Variants in C1QTNF3 observed in about 807,000 individuals in gnomAD.
C1QTNF3 encodes the protein complement C1q tumor necrosis factor-related protein 3.
C1QTNF3 carries 26 observed loss-of-function variants against 32.6 expected under a neutral mutation model. That is an observed-to-expected ratio of 0.80 (90% CI 0.58 to 1.11). The LOEUF (loss-of-function observed/expected upper bound fraction) is 1.11, where lower values mean the gene tolerates loss of function less well. Among genes scored for constraint, C1QTNF3 ranks in the 50% least tolerant of loss-of-function variants. The probability of loss-of-function intolerance (pLI) is 0.00; values close to 1 mark genes in which losing one functional copy is unlikely to be tolerated. For missense variants in C1QTNF3, 362 were observed against 398.2 expected (o/e 0.91, Z 0.77); for synonymous variants, 155 against 146.0 (o/e 1.06, Z -0.44).
At chr5:34,070,181 T>TG in the C1QTNF3 span, among the ~76,000 whole-genome samples, 1 of 152,156 alleles carries the variant, frequency 6.6e-6, no homozygotes, top group Non-Finnish European at 1.5e-5. Context: ...ACCTCTCACT[T>TG]GCACTCATTT....
At chr5:34,074,447 T>C in the C1QTNF3 span, among the ~76,000 whole-genome samples, 1 of 151,654 alleles carries the variant, frequency 6.6e-6, no homozygotes, top group South Asian at 2.1e-4. Flanking sequence ...TCGGCTAATA[T>C]AAGTGTCTGC....
the C1QTNF3 span, among the ~76,000 whole-genome samples, chr5:34,054,017 A>G: frequency 3.3e-5 from 5 of 152,198 alleles, no homozygotes; most frequent in East Asian, 7.7e-4. Context: ...GCAGAGAAAC[A>G]GGCCGAGTAT....
the C1QTNF3 span, among the ~76,000 whole-genome samples, chr5:34,161,428 TA>T: frequency 2.6e-5 from 4 of 151,860 alleles, no homozygotes; most frequent in Admixed American, 6.6e-5. Flanking sequence ...TTTCAATTGT[TA>T]AAAAAAATTG....
the C1QTNF3 span, among the ~76,000 whole-genome samples, chr5:34,080,365 G>A: frequency 2.0e-5 from 3 of 151,756 alleles, no homozygotes; most frequent in Non-Finnish European, 4.4e-5. Context: ...CAAGATCGAA[G>A]AGCTACTAAG....
At chr5:34,056,440 GTGTGTGTGTGTGTGTATA>G in the C1QTNF3 span, among the ~76,000 whole-genome samples, 4 of 44,592 alleles carry the variant, frequency 9.0e-5, no homozygotes, top group African/African-American at 1.8e-4. Flanking sequence ...GTGTGTGTGT[GTGTGTGTGTGTGTGTATA>G]TATATATATA....
At chr5:34,124,662 C>T in the C1QTNF3 span, 5 of 452,696 alleles carry the variant, frequency 1.1e-5, no homozygotes, top group East Asian at 3.5e-5. Context: ...TTGGGGATTA[C>T]AGTTCAACAT....
intron 5 of C1QTNF3, among the ~76,000 whole-genome samples, chr5:34,020,976 C>T (rs1239099584): frequency 2.0e-5 from 3 of 152,174 alleles, no homozygotes; most frequent in Admixed American, 2.0e-4. Context: ...ATGACAATGA[C>T]CAGAATGATC....
the C1QTNF3 span, among the ~76,000 whole-genome samples, chr5:34,055,043 G>A: frequency 4.6e-5 from 7 of 152,140 alleles, no homozygotes; most frequent in South Asian, 2.1e-4. Context: ...ACCAGGCTTC[G>A]AAAAATGCAG....
chr5:34,079,394 CAT>C, the C1QTNF3 span, among the ~76,000 whole-genome samples: 1 of 151,528 alleles, frequency 6.6e-6, no homozygotes, highest in Non-Finnish European at 1.5e-5. Context: ...TTGAGAAATT[CAT>C]ATTTTTTTCA....
At chr5:34,244,361 A>C in the C1QTNF3 span, among the ~76,000 whole-genome samples, 2 of 152,178 alleles carry the variant, frequency 1.3e-5, no homozygotes, top group African/African-American at 4.8e-5. Flanking sequence ...AAGATTGCAA[A>C]GAGCAAAAGA....
At chr5:34,084,799 TGTTTTTTTTG>T in the C1QTNF3 span, among the ~76,000 whole-genome samples, 21 of 112,462 alleles carry the variant, frequency 1.9e-4, 2 homozygotes, top group African/African-American at 9.1e-4. Context: ...GTTTTTTTTT[TGTTTTTTTTG>T]TTTTTTTTCT....
chr5:34,239,319 A>G, the C1QTNF3 span: 4 of 152,178 alleles, frequency 2.6e-5, no homozygotes, highest in Non-Finnish European at 1.5e-5. Context: ...TAAATAGGCT[A>G]AACACCCCAC....
chr5:34,113,663 T>C, the C1QTNF3 span, among the ~76,000 whole-genome samples: 5 of 152,072 alleles, frequency 3.3e-5, no homozygotes, highest in Non-Finnish European at 5.9e-5. Flanking sequence ...ACATCTTTAC[T>C]CTCTCTCTAT....
chr5:34,232,355 T>G, the C1QTNF3 span, among the ~76,000 whole-genome samples: 2 of 151,288 alleles, frequency 1.3e-5, no homozygotes, highest in Non-Finnish European at 3.0e-5. Flanking sequence ...TTCAGTCTGT[T>G]GGGAAGGCAT....
the C1QTNF3 span, among the ~76,000 whole-genome samples, chr5:34,153,998 A>G: frequency 6.6e-6 from 1 of 150,782 alleles, no homozygotes; most frequent in African/African-American, 2.4e-5. Context: ...TTAATCACAT[A>G]ATTTTTGAAT....
intron 3 of C1QTNF3, among the ~76,000 whole-genome samples, chr5:34,030,379 G>C (rs1270232714): frequency 2.0e-5 from 3 of 152,196 alleles, no homozygotes; most frequent in Non-Finnish European, 4.4e-5. Context: ...GAATAAGGCT[G>C]TCTATTTGGG....
chr5:34,041,817 A>T (rs1473101844), intron 1 of C1QTNF3, among the ~76,000 whole-genome samples: 1 of 151,954 alleles, frequency 6.6e-6, no homozygotes. Flanking sequence ...TCTTGGTCTG[A>T]CCATATAACC....
the C1QTNF3 span, among the ~76,000 whole-genome samples, chr5:34,140,086 C>T: frequency 1.3e-5 from 2 of 152,206 alleles, no homozygotes; most frequent in African/African-American, 2.4e-5. Context: ...GAAGCTATAG[C>T]CATTGAAGTT....
chr5:34,161,813 T>C, the C1QTNF3 span, among the ~76,000 whole-genome samples: 1 of 152,216 alleles, frequency 6.6e-6, no homozygotes, highest in Non-Finnish European at 1.5e-5. Flanking sequence ...GCTTGGGAGA[T>C]AATTATTGAC....
Sources: gnomAD v4.1 joint callset for allele counts (sites outside exome capture counted in the v4.1 genomes callset) on GRCh38, gnomAD v4.1.1 for gene constraint, MANE v1.5 for transcripts, NCBI Gene and HGNC (gene_info 2026-07-23, HGNC 2026-07-21) for gene names.